L3MBTL4: variants seen among roughly 807,000 people sequenced by gnomAD.
L3MBTL4 encodes lethal(3)malignant brain tumor-like protein 4.
L3MBTL4 carries 70 observed loss-of-function variants against 84.5 expected under a neutral mutation model. The ratio of observed to expected loss-of-function variants is 0.83; its 90% CI spans 0.68 to 1.01. L3MBTL4 has a LOEUF of 1.01. Ranked by LOEUF, L3MBTL4 falls within the 50% of genes least tolerant of loss-of-function variation. The pLI, the probability that L3MBTL4 is intolerant of heterozygous loss-of-function variation, is 0.00. For synonymous variants in L3MBTL4, 274 were observed against 259.8 expected, an observed-to-expected ratio of 1.05 and a Z score of -0.52; for missense variants, 715 against 754.8, an observed-to-expected ratio of 0.95 and a Z score of 0.62.
At chr18:5,969,663 T>C in intron 16 of L3MBTL4, 101 bp from the exon 17 acceptor site, 2 of 1,174,438 alleles carry the variant, frequency 1.7e-6, no homozygotes, top group South Asian at 1.5e-5. Context: ...GGACGGAAAG[T>C]GCAGACACCA....
At position 6,185,603 on chromosome 18, in the gene L3MBTL4, G is replaced by A. The variant is rs78473930; in HGVS notation, c.982-13661C>T. Among the ~76,000 whole-genome samples the A allele has an allele frequency of 2.7e-3, 417 of 152,164 alleles. 2 individuals are homozygous for A. The highest frequency in any genetic ancestry group is 9.0e-3 in the African/African-American group (373 of 41,522). ...CTCACCCTCTCAACCCTGCCCAAAC[G>A]TCATAAACAGGCCTCTACTAAAGTC... is the stretch of plus-strand genomic sequence containing the variant. On this transcript the variant is annotated intron_variant, in intron 12 of 18. Coordinates refer to ENST00000317931, the MANE Select transcript of L3MBTL4 (RefSeq NM_001330559.2).
chr18:6,056,671 C>A (rs1459954343), intron 16 of L3MBTL4, among the ~76,000 whole-genome samples: 1 of 152,144 alleles, frequency 6.6e-6, no homozygotes, highest in East Asian at 1.9e-4. Flanking sequence ...AGGTCTCCAA[C>A]CCCACTTCTA....
intron 10 of L3MBTL4, among the ~76,000 whole-genome samples, chr18:6,218,831 G>A (rs1304636647): frequency 1.3e-5 from 2 of 152,158 alleles, no homozygotes; most frequent in African/African-American, 4.8e-5. Flanking sequence ...ACCTTGGGAA[G>A]CAAGAAGTAG....
intron 4 of L3MBTL4, among the ~76,000 whole-genome samples, chr18:6,272,196 A>G (rs1364059254): frequency 6.6e-6 from 1 of 152,232 alleles, no homozygotes; most frequent in Non-Finnish European, 1.5e-5. Context: ...CAGAACAGAC[A>G]GGTAGCATTG....
At chr18:6,390,895 C>A (rs1293396700) in intron 1 of L3MBTL4, among the ~76,000 whole-genome samples, 1 of 152,124 alleles carries the variant, frequency 6.6e-6, no homozygotes, top group Non-Finnish European at 1.5e-5. Flanking sequence ...TGAATTCTAC[C>A]AGACATTCAA....
At chr18:6,314,795 T>C (rs530989677) in intron 1 of L3MBTL4, among the ~76,000 whole-genome samples, 1 of 152,334 alleles carries the variant, frequency 6.6e-6, no homozygotes, top group South Asian at 2.1e-4. Context: ...AGGTGCTATT[T>C]GGTAATTCTT....
intron 14 of L3MBTL4, among the ~76,000 whole-genome samples, chr18:6,119,206 T>C (rs1336777359): frequency 1.3e-5 from 2 of 150,748 alleles, no homozygotes; most frequent in African/African-American, 4.9e-5. Context: ...TTGATTTTTT[T>C]AGAAATATGA....
At position 6,316,127 on chromosome 18, in the gene L3MBTL4, C is replaced by T. The variant is rs149946554; in HGVS notation, c.-90-4071G>A. Among the ~76,000 whole-genome samples, 5 of 151,144 alleles carry T rather than the reference C, an allele frequency of 3.3e-5. 1 individual carries two copies. The East Asian group carries it at 9.8e-4, about 30-fold the overall frequency. On this transcript the variant is annotated intron_variant, in intron 1 of 18. Coordinates refer to ENST00000317931, the MANE Select transcript of L3MBTL4 (RefSeq NM_001330559.2). Reference sequence around the variant, plus strand: ...CATAAGGAAACAGTTACGTCACTCTCACGGAGTCCATGCCACTCCCCTGCC... The same window carrying T: ...CATAAGGAAACAGTTACGTCACTCTTACGGAGTCCATGCCACTCCCCTGCC...
chr18:6,306,848 G>T (rs892402364), intron 3 of L3MBTL4, among the ~76,000 whole-genome samples: 1 of 152,210 alleles, frequency 6.6e-6, no homozygotes, highest in East Asian at 1.9e-4. Context: ...CCAGTGAAGT[G>T]ACTTGTCTTT....
chr18:6,281,841 T>C lies in L3MBTL4; in HGVS notation c.128-17803A>G, dbSNP rs559202572. ...CCATGGTAATGTAGTTATCAACATA[T>C]AGCAAAATTAAAATATTAGTATCAT... On this transcript the variant is annotated intron_variant, in intron 4 of 18. Coordinates refer to ENST00000317931, the MANE Select transcript of L3MBTL4 (RefSeq NM_001330559.2). Among the ~76,000 whole-genome samples the C allele has an allele frequency of 2.6e-5, 4 of 152,314 alleles. No individual in the cohort carries two copies. In the South Asian group the frequency reaches 6.2e-4, roughly 24 times the overall value.
intron 1 of L3MBTL4, among the ~76,000 whole-genome samples, chr18:6,388,799 G>A (rs1381185762): frequency 6.6e-6 from 1 of 152,174 alleles, no homozygotes; most frequent in Non-Finnish European, 1.5e-5. Context: ...CGGCTGTGTT[G>A]AGACACCCTG....
intron 16 of L3MBTL4, among the ~76,000 whole-genome samples, chr18:6,010,096 T>G (rs926942639): frequency 6.6e-6 from 1 of 152,202 alleles, no homozygotes; most frequent in African/African-American, 2.4e-5. Flanking sequence ...GCTTTTAAAT[T>G]CTAGTTTTGA....
intron 4 of L3MBTL4, among the ~76,000 whole-genome samples, chr18:6,270,860 C>A (rs1227344572): frequency 6.6e-6 from 1 of 152,172 alleles, no homozygotes. Flanking sequence ...CACTTGGAGA[C>A]TTTCGAGTGG....
Position 6,414,131 on chromosome 18 carries a change from G to A in L3MBTL4, c.-91+670C>T, listed in dbSNP as rs1005815429. The A allele has an allele frequency of 4.6e-5, 7 of 152,172 alleles. No homozygotes were observed. Among genetic ancestry groups the A allele is most frequent in the Admixed American group, 3.3e-4 (5 of 15,286 alleles). The allele number at this position is 152,172 out of a possible 1,614,324, so 9.4% of individuals were successfully genotyped here. On this transcript the variant is annotated intron_variant, in intron 1 of 18. Coordinates refer to ENST00000317931, the MANE Select transcript of L3MBTL4 (RefSeq NM_001330559.2). This position sits in a 1 kb window ranked among gnomAD's most constrained non-coding sequence, Gnocchi z 5.4. Reference sequence around the variant, plus strand: ...GGCGCGCCCCCCGCAGTTCCAGGCGGTGGCAGGAGCCTGAGAGCCGCCGTC... The same window carrying A: ...GGCGCGCCCCCCGCAGTTCCAGGCGATGGCAGGAGCCTGAGAGCCGCCGTC...
chr18:6,121,516 C>G (rs1206795342), intron 14 of L3MBTL4, among the ~76,000 whole-genome samples: 1 of 152,164 alleles, frequency 6.6e-6, no homozygotes, highest in Admixed American at 6.5e-5. Flanking sequence ...TTAATATTTT[C>G]ATAACTAAAG....
chr18:5,989,386 A>C (rs535398024), intron 16 of L3MBTL4, among the ~76,000 whole-genome samples: 1 of 146,306 alleles, frequency 6.8e-6, no homozygotes, highest in African/African-American at 2.7e-5. Context: ...CATGAGCAGT[A>C]TGTGGAAAGT....
chr18:6,368,619 A>G (rs2054029397), intron 1 of L3MBTL4, among the ~76,000 whole-genome samples: 2 of 152,216 alleles, frequency 1.3e-5, no homozygotes, highest in Non-Finnish European at 2.9e-5. Context: ...ACTTCCAAAA[A>G]GTCACAGGAA....
intron 15 of L3MBTL4, among the ~76,000 whole-genome samples, chr18:6,088,137 G>A (rs1012446977): frequency 2.6e-5 from 4 of 152,320 alleles, no homozygotes; most frequent in African/African-American, 9.6e-5. Context: ...ACACAAATAA[G>A]CTGCTGATAT....
chr18:5,962,013 A>G (rs1247872581), intron 17 of L3MBTL4, among the ~76,000 whole-genome samples: 8 of 152,068 alleles, frequency 5.3e-5, no homozygotes, highest in Admixed American at 1.3e-4. Flanking sequence ...AACCCTGTCT[A>G]TGTGTGAGGC....
Sources: allele counts gnomAD v4.1 joint callset (sites outside exome capture counted in the v4.1 genomes callset), GRCh38; gene constraint gnomAD v4.1.1; non-coding constraint Gnocchi (gnomAD v3.1); transcripts MANE v1.5; gene names NCBI Gene and HGNC (gene_info 2026-07-23, HGNC 2026-07-21).